INSC: variants seen among roughly 807,000 people sequenced by gnomAD.
The protein encoded by INSC is protein inscuteable homolog.
In INSC, 67 loss-of-function variants were observed where a neutral mutation model predicts 58.6. The ratio of observed to expected loss-of-function variants is 1.14; its 90% confidence interval spans 0.94 to 1.40. INSC has a LOEUF of 1.40. Among genes scored for constraint, INSC ranks in the 40% most tolerant of loss-of-function variants. The pLI is 0.00. For synonymous variants in INSC, 262 were observed against 276.1 expected, an observed-to-expected ratio of 0.95 and a Z score of 0.51; for missense variants, 714 against 692.0, an observed-to-expected ratio of 1.03 and a Z score of -0.36.
intron 1 of INSC, among the ~76,000 whole-genome samples, chr11:15,131,811 C>T (rs1848131424): frequency 6.6e-6 from 1 of 151,998 alleles, no homozygotes. Context: ...TGGCCTTTAA[C>T]TTTAAGCTAT....
At chr11:15,164,325 C>T (rs995590988) in intron 2 of INSC, among the ~76,000 whole-genome samples, 10 of 152,086 alleles carry the variant, frequency 6.6e-5, no homozygotes, top group Admixed American at 5.2e-4. Flanking sequence ...TATAGAACTC[C>T]ACCTTCTTTT....
rs116957339 is a variant in INSC at position 15,203,937 on chromosome 11, G to C, written c.819+2988G>C. ...TCAGCCATAGTTTTATTAGAACACA[G>C]CTACACTTGTTTGTTTGGGTGTTCT... On this transcript the variant is annotated intron_variant, in intron 7 of 12. Transcript: ENST00000379556. Among the ~76,000 whole-genome samples, 797 of 152,166 alleles carry C rather than the reference G, an allele frequency of 5.2e-3. 2 individuals carry two copies. The highest frequency in any genetic ancestry group is 8.4e-3 in the Non-Finnish European group (569 of 68,016).
chr11:15,141,717 G>C (rs1372099355), intron 1 of INSC, among the ~76,000 whole-genome samples: 1 of 152,052 alleles, frequency 6.6e-6, no homozygotes, highest in Non-Finnish European at 1.5e-5. Flanking sequence ...TGCCACCCTT[G>C]CACAGGTCAC....
At chr11:15,183,003 A>G (rs577044024) in intron 5 of INSC, among the ~76,000 whole-genome samples, 1 of 152,278 alleles carries the variant, frequency 6.6e-6, no homozygotes, top group South Asian at 2.1e-4. Flanking sequence ...TTAAGCTTCC[A>G]TGAATTATTT....
chr11:15,200,915 G>C lies in INSC; in HGVS notation c.785G>C (p.Cys262Ser), dbSNP rs776101531. ...GCGCTCCGCACGCTGGCCTCCATCT[G>C]CTGCGTGGAAGAGGGTGTCCACCAG... is the stretch of plus-strand genomic sequence containing the variant. ...PQALRTLASI[C>S]CVEEGVHQLE... The change falls in exon 7 of 13, where the codon TGC (cysteine) becomes TCC (serine). Residue 262 changes from cysteine (C) to serine (S), a missense_variant. Transcript: ENST00000379556. The C allele has an allele frequency of 1.2e-6, 2 of 1,612,344 alleles. No individual in the cohort carries two copies. Among genetic ancestry groups the C allele is most frequent in the East Asian group, 2.2e-5 (1 of 44,798 alleles).
chr11:15,134,749 T>G (rs1034564460), intron 1 of INSC, among the ~76,000 whole-genome samples: 1 of 152,124 alleles, frequency 6.6e-6, no homozygotes, highest in Admixed American at 6.6e-5. Flanking sequence ...AACATGTTGT[T>G]TATTTCTTGC....
intron 5 of INSC, among the ~76,000 whole-genome samples, chr11:15,190,041 C>T (rs1404112255): frequency 6.6e-6 from 1 of 152,218 alleles, no homozygotes; most frequent in Non-Finnish European, 1.5e-5. Context: ...TCATCACTAG[C>T]CTCAGGTTCA....
the INSC span, among the ~76,000 whole-genome samples, chr11:15,261,129 G>C: frequency 1.3e-5 from 2 of 152,184 alleles, no homozygotes; most frequent in African/African-American, 4.8e-5. Context: ...TGAGAACTTG[G>C]CTTGTGGAGC....
chr11:15,254,204 G>A, the INSC span, among the ~76,000 whole-genome samples: 1 of 152,160 alleles, frequency 6.6e-6, no homozygotes, highest in African/African-American at 2.4e-5. Flanking sequence ...ATACTGTTGT[G>A]GGATAGAATC....
intron 12 of INSC, among the ~76,000 whole-genome samples, chr11:15,243,780 CCTT>C (rs1490748413): frequency 1.3e-5 from 2 of 151,908 alleles, no homozygotes; most frequent in African/African-American, 2.4e-5. Flanking sequence ...TCCTTTCTCT[CCTT>C]CTCTACTCCT....
At chr11:15,159,036 G>A (rs939829530) in intron 2 of INSC, among the ~76,000 whole-genome samples, 1 of 152,156 alleles carries the variant, frequency 6.6e-6, no homozygotes, top group African/African-American at 2.4e-5. Context: ...TGCACTGGCT[G>A]TAGGACTTGA....
intron 8 of INSC, among the ~76,000 whole-genome samples, chr11:15,224,002 T>C (rs1236494865): frequency 6.6e-6 from 1 of 152,200 alleles, no homozygotes; most frequent in East Asian, 1.9e-4. Context: ...ACTTGTAATG[T>C]AGAAAGAATG....
At chr11:15,204,490 C>T (rs1850718558) in intron 7 of INSC, among the ~76,000 whole-genome samples, 1 of 152,238 alleles carries the variant, frequency 6.6e-6, no homozygotes, top group South Asian at 2.1e-4. Flanking sequence ...CCTCCACCCA[C>T]ACCCCCTCCC....
At chr11:15,201,297 G>A (rs1305446207) in intron 7 of INSC, among the ~76,000 whole-genome samples, 1 of 152,148 alleles carries the variant, frequency 6.6e-6, no homozygotes, top group Non-Finnish European at 1.5e-5. Context: ...TTCACCCACA[G>A]CAGGCCTCCT....
At chr11:15,124,044 C>T (rs1042328916) in intron 1 of INSC, among the ~76,000 whole-genome samples, 8 of 152,216 alleles carry the variant, frequency 5.3e-5, no homozygotes, top group Non-Finnish European at 7.3e-5. Context: ...CTCTTACATT[C>T]CTCACTCACT....
chr11:15,264,153 A>G, the INSC span, among the ~76,000 whole-genome samples: 2 of 81,538 alleles, frequency 2.5e-5, no homozygotes, highest in Admixed American at 2.7e-4. Flanking sequence ...TTGCAGCAGT[A>G]AGACTGAAGT....
chr11:15,162,495 C>T (rs1177422241), intron 2 of INSC, among the ~76,000 whole-genome samples: 2 of 152,210 alleles, frequency 1.3e-5, no homozygotes, highest in Admixed American at 6.5e-5. Context: ...TTCCACTTGA[C>T]GATTGTGGTA....
chr11:15,238,132 A>T (rs1450528882), intron 10 of INSC, among the ~76,000 whole-genome samples: 1 of 152,040 alleles, frequency 6.6e-6, no homozygotes, highest in African/African-American at 2.4e-5. Flanking sequence ...GGAAAATGGC[A>T]TCCCTTGTAG....
chr11:15,249,773 A>G (rs544770761), downstream of INSC, among the ~76,000 whole-genome samples: 3 of 152,276 alleles, frequency 2.0e-5, no homozygotes, highest in South Asian at 4.1e-4. Flanking sequence ...TGGTTTTTCC[A>G]TAGTAACTTT....
Sources: allele counts gnomAD v4.1 joint callset (sites outside exome capture counted in the v4.1 genomes callset), GRCh38; gene constraint gnomAD v4.1.1; transcripts MANE v1.5; gene names NCBI Gene and HGNC (gene_info 2026-07-23, HGNC 2026-07-21).